GABRG1: variants seen among roughly 807,000 people sequenced by gnomAD.
GABRG1 encodes gamma-aminobutyric acid type A receptor subunit gamma1, also known as gamma-aminobutyric acid receptor subunit gamma-1.
A neutral mutation model predicts 49.8 loss-of-function variants in GABRG1; 49 were observed. That is an observed-to-expected ratio of 0.98 (90% CI 0.78 to 1.25). GABRG1 has a LOEUF of 1.25. Among genes scored for constraint, GABRG1 ranks in the 50% most tolerant of loss-of-function variants. GABRG1 has a pLI of 0.00. For missense variants in GABRG1, 552 were observed against 552.3 expected, an observed-to-expected ratio of 1.00 and a Z score of 0.01; for synonymous variants, 232 against 185.1, an observed-to-expected ratio of 1.25 and a Z score of -2.06.
rs1269162598 is a variant in GABRG1, at chr4:46,051,628, T to C, written c.927A>G (p.Thr309=). The change falls in exon 8 of 9, where the codon ACA becomes ACG. Residue 309 remains threonine, a synonymous_variant. Transcript: ENST00000295452. ...TACTCAGGGTTGTCATAGTCAGAAC[T>C]GTAGTGATACCTATAGAGAGAGGAA... ...VPARTSLGIT[T]VLTMTTLSTI... is the part of the protein sequence containing the mutation. 2 of 1,599,816 alleles carry C rather than the reference T, an allele frequency of 1.3e-6. No individual in the cohort carries two copies. The highest frequency in any genetic ancestry group is 3.4e-4 in the Middle Eastern group (2 of 5,852).
At chr4:46,099,655 A>G (rs752585827) in intron 1 of GABRG1, among the ~76,000 whole-genome samples, 28 of 151,422 alleles carry the variant, frequency 1.8e-4, no homozygotes, top group Admixed American at 9.2e-4. Flanking sequence ...CCTTAGTTAA[A>G]CAATCTTAGC....
intron 1 of GABRG1, among the ~76,000 whole-genome samples, chr4:46,113,240 A>G (rs866950956): frequency 3.0e-4 from 46 of 151,214 alleles, no homozygotes; most frequent in African/African-American, 1.0e-3. Flanking sequence ...TAATTGACTC[A>G]CAGTTCAGTA....
At chr4:46,046,335 T>C (rs909237565) in intron 8 of GABRG1, among the ~76,000 whole-genome samples, 56 of 152,118 alleles carry the variant, frequency 3.7e-4, no homozygotes, top group Non-Finnish European at 2.8e-4. Flanking sequence ...GTGGTATCTA[T>C]ACACTCCAGG....
chr4:46,058,143 A>T, intron 7 of GABRG1, 74 bp downstream of exon 7: 1 of 1,389,772 alleles, frequency 7.2e-7, no homozygotes, highest in Non-Finnish European at 9.8e-7. Context: ...AATAAATGTG[A>T]CTATGAACTT....
rs1248552 is a variant in GABRG1 at position 46,080,905 on chromosome 4, C to T, written c.321+3081G>A. On this transcript the variant is annotated intron_variant, in intron 3 of 8. Coordinates refer to ENST00000295452, the MANE Select transcript of GABRG1 (RefSeq NM_173536.4). ...AGAAATATAACATTTTAGCAATGTA[C>T]TACTTTATGAAATCTGATATTTGCA... Among the ~76,000 whole-genome samples, 66 of 151,904 alleles carry T rather than the reference C, an allele frequency of 4.3e-4. 1 individual carries two copies. The highest frequency in any genetic ancestry group is 1.6e-3 in the African/African-American group (66 of 41,504).
intron 3 of GABRG1, among the ~76,000 whole-genome samples, chr4:46,076,619 T>G (rs1719343409): frequency 6.6e-6 from 1 of 151,528 alleles, no homozygotes; most frequent in Non-Finnish European, 1.5e-5. Flanking sequence ...AGTACATTTA[T>G]GATAGTCATG....
chr4:46,058,399 A>T (rs1718536125), intron 6 of GABRG1, 30 bp from the exon 7 acceptor site: 20 of 1,599,040 alleles, frequency 1.3e-5, no homozygotes, highest in Non-Finnish European at 1.7e-5. Context: ...TATTTTGGCT[A>T]TATAATATAA....
At chr4:46,092,573 T>G (rs1445349827) in intron 2 of GABRG1, among the ~76,000 whole-genome samples, 1 of 151,628 alleles carries the variant, frequency 6.6e-6, no homozygotes, top group Non-Finnish European at 1.5e-5. Flanking sequence ...CAGAAAACAA[T>G]AGAAAGGTAG....
chr4:46,090,955 T>TACACACACACACACACACAC (rs61288916), intron 2 of GABRG1, among the ~76,000 whole-genome samples: 1 of 131,062 alleles, frequency 7.6e-6, no homozygotes, highest in African/African-American at 2.8e-5. Flanking sequence ...CACACACACA[T>TACACACACACACACACACAC]ACACACACAC....
intron 2 of GABRG1, among the ~76,000 whole-genome samples, chr4:46,095,855 G>A (rs1396396447): frequency 6.6e-6 from 1 of 151,784 alleles, no homozygotes; most frequent in Non-Finnish European, 1.5e-5. Context: ...GGGGTTACAA[G>A]TGAAGGTTTG....
At position 46,036,582 on chromosome 4, in the gene GABRG1, C is replaced by T. The variant is rs1452813411; in HGVS notation, c.*4406G>A. 1.3e-5 allele frequency: 2 copies of T among 151,922 alleles called. No individual in the cohort carries two copies. Among genetic ancestry groups the T allele is most frequent in the African/African-American group, 2.4e-5 (1 of 41,402 alleles). The allele number at this position is 151,922 out of a possible 1,614,324, so 9.4% of individuals were successfully genotyped here. A position where few individuals can be genotyped will look rare whatever the true frequency, so the allele number is the denominator to read the frequency against. On this transcript the variant is annotated 3_prime_UTR_variant, in exon 9 of 9. Coordinates refer to ENST00000295452, the MANE Select transcript of GABRG1 (RefSeq NM_173536.4). ...TACAGGATCCCTTCCACCCAACACA[C>T]CATGTCTCTCAGTTATGTTGTCTGT...
intron 2 of GABRG1, among the ~76,000 whole-genome samples, chr4:46,092,912 A>G (rs973315566): frequency 2.6e-5 from 4 of 151,852 alleles, no homozygotes; most frequent in African/African-American, 4.8e-5. Context: ...TCTACTAAAA[A>G]TACAAAATTA....
chr4:46,060,377 T>C (rs1026244346), intron 5 of GABRG1, among the ~76,000 whole-genome samples: 1 of 152,118 alleles, frequency 6.6e-6, no homozygotes, highest in Non-Finnish European at 1.5e-5. Context: ...CATCTTACAA[T>C]ACCATCAAAG....
intron 5 of GABRG1, among the ~76,000 whole-genome samples, chr4:46,060,069 TA>T (rs1718613886): frequency 6.6e-6 from 1 of 152,272 alleles, no homozygotes; most frequent in East Asian, 1.9e-4. Flanking sequence ...TTCATCTTTC[TA>T]AAAAATATTT....
chr4:46,049,325 C>T (rs967220712), intron 8 of GABRG1, among the ~76,000 whole-genome samples: 8 of 151,858 alleles, frequency 5.3e-5, no homozygotes, highest in African/African-American at 1.9e-4. Context: ...TTAGCAAGAC[C>T]ATATGGCTGT....
At chr4:46,120,601 T>C (rs1367614733) in intron 1 of GABRG1, among the ~76,000 whole-genome samples, 1 of 151,754 alleles carries the variant, frequency 6.6e-6, no homozygotes, top group Admixed American at 6.6e-5. Flanking sequence ...GTTTGAATGG[T>C]TATCATCAAC....
intron 2 of GABRG1, among the ~76,000 whole-genome samples, chr4:46,087,098 T>G (rs1341457310): frequency 6.6e-6 from 1 of 151,648 alleles, no homozygotes. Flanking sequence ...TCTTGTAATA[T>G]CCCTGGCTGG....
chr4:46,068,769 C>T (rs1719009612), intron 3 of GABRG1, among the ~76,000 whole-genome samples: 1 of 152,066 alleles, frequency 6.6e-6, no homozygotes, highest in Non-Finnish European at 1.5e-5. Flanking sequence ...GACCAAACTG[C>T]TCTTGTACTT....
chr4:46,115,864 A>T (rs1481760818), intron 1 of GABRG1, among the ~76,000 whole-genome samples: 1 of 150,838 alleles, frequency 6.6e-6, no homozygotes, highest in Non-Finnish European at 1.5e-5. Context: ...TAAACATAAG[A>T]TAGCTAATGA....
Sources: gnomAD v4.1 joint callset for allele counts (sites outside exome capture counted in the v4.1 genomes callset) on GRCh38, gnomAD v4.1.1 for gene constraint, MANE v1.5 for transcripts, NCBI Gene and HGNC (gene_info 2026-07-23, HGNC 2026-07-21) for gene names.